Variants in PADI3 observed in about 807,000 individuals in gnomAD.
PADI3 encodes peptidyl arginine deiminase 3.
A neutral mutation model predicts 71.5 loss-of-function variants in PADI3; 53 were observed. That is an observed-to-expected ratio of 0.74 (90% CI 0.59 to 0.93). The LOEUF (loss-of-function observed/expected upper bound fraction) is 0.93, where lower values mean the gene tolerates loss of function less well. Among genes scored for constraint, PADI3 ranks in the 40% least tolerant of loss-of-function variants. The pLI, the probability that PADI3 is intolerant of heterozygous loss-of-function variation, is 0.00. For missense variants in PADI3, 821 were observed against 868.0 expected (o/e 0.95, Z 0.68); for synonymous variants, 361 against 347.5 (o/e 1.04, Z -0.43).
At chr1:17,256,026 T>C (rs765217604) in intron 1 of PADI3, among the ~76,000 whole-genome samples, 2 of 152,060 alleles carry the variant, frequency 1.3e-5, no homozygotes, top group Non-Finnish European at 2.9e-5. Flanking sequence ...ACAAGCTCAT[T>C]ATAGCCTGAG....
chr1:17,282,194 A>C (rs1569927147), intron 15 of PADI3, among the ~76,000 whole-genome samples: 1 of 152,218 alleles, frequency 6.6e-6, no homozygotes, highest in East Asian at 1.9e-4. Context: ...CGCAAGAGAC[A>C]GAGTCCTACT....
At chr1:17,280,192 G>A (rs2073383674) in intron 13 of PADI3, among the ~76,000 whole-genome samples, 158 bp from the exon 14 acceptor site, 1 of 152,218 alleles carries the variant, frequency 6.6e-6, no homozygotes, top group Admixed American at 6.5e-5. Context: ...GGCAAGCTCA[G>A]ACAGGTGGAA....
Position 17,262,222 on chromosome 1 carries a change from G to A in PADI3, c.346+17G>A. 6.3e-7 allele frequency: 1 copy of A among 1,589,124 alleles called. No individual in the cohort carries two copies. Among genetic ancestry groups the A allele is most frequent in the Non-Finnish European group, 8.6e-7 (1 of 1,167,214 alleles). ...CCTGTGTTGGTAAGTTGGGGGCCATGTTGATGGTGTGGCCAAGGGCACATT... is the reference window on the plus strand; with the variant it reads ...CCTGTGTTGGTAAGTTGGGGGCCATATTGATGGTGTGGCCAAGGGCACATT... On this transcript the variant is annotated intron_variant, in intron 3 of 15. Transcript: ENST00000375460.
chr1:17,257,821 C>T (rs2073046956), intron 1 of PADI3, among the ~76,000 whole-genome samples: 1 of 152,032 alleles, frequency 6.6e-6, no homozygotes, highest in Non-Finnish European at 1.5e-5. Context: ...GCCTCAGTTT[C>T]CCCATGTGTA....
chr1:17,249,264 T>C (rs2072935936), intron 1 of PADI3, 35 bp downstream of exon 1: 3 of 1,524,388 alleles, frequency 2.0e-6, no homozygotes, highest in Admixed American at 1.7e-5. Context: ...TGCAGGCCCT[T>C]GGTGCTGATG....
At chr1:17,259,523 A>C in intron 1 of PADI3, 55 bp from the exon 2 acceptor site, 1 of 1,493,086 alleles carries the variant, frequency 6.7e-7, no homozygotes, top group Non-Finnish European at 9.0e-7. Flanking sequence ...AAGCTCAAAC[A>C]TCTGAGCAAA....
intron 13 of PADI3, chr1:17,277,843 C>T (rs899130949): frequency 6.5e-6 from 1 of 154,550 alleles, no homozygotes; most frequent in African/African-American, 2.4e-5. Context: ...CCCAGGCTTG[C>T]TCAGGTACCC....
chr1:17,276,579 G>C lies in PADI3; in HGVS notation c.1368G>C (p.Gln456His). 1 of 1,614,166 alleles carries C rather than the reference G, an allele frequency of 6.2e-7. No homozygotes were observed. Among genetic ancestry groups the C allele is most frequent in the Non-Finnish European group, 8.5e-7 (1 of 1,180,036 alleles). The stretch of plus-strand genomic sequence containing the variant: ...ACTTCCTCCATGCCCAGAAGGTGCA[G>C]CCCCCCGTGGAGCTCTTTGTGGACT... ...VRDFLHAQKV[Q>H]PPVELFVDWL... The change falls in exon 12 of 16, where the codon CAG (glutamine) becomes CAC (histidine). Residue 456 changes from glutamine (Q) to histidine (H), a missense_variant. Physicochemically the swap from Gln to His is conservative, Grantham distance 24. Coordinates refer to ENST00000375460, the MANE Select transcript of PADI3 (RefSeq NM_016233.2).
At chr1:17,279,418 G>A (rs1156473830) in intron 13 of PADI3, among the ~76,000 whole-genome samples, 1 of 152,166 alleles carries the variant, frequency 6.6e-6, no homozygotes, top group Non-Finnish European at 1.5e-5. Context: ...CTGGCCCAGA[G>A]GCCTCAGCAA....
In PADI3 at chr1:17,262,351, C is replaced by T. The variant is rs150728204; in HGVS notation, c.346+146C>T. The T allele has an allele frequency of 1.8e-3, 1,083 of 606,798 alleles. 10 individuals are homozygous for T. Among genetic ancestry groups the T allele is most frequent in the African/African-American group, 0.017 (907 of 52,398 alleles). The allele number at this position is 606,798 out of a possible 1,614,324, so 37.6% of individuals were successfully genotyped here. On this transcript the variant is annotated intron_variant, in intron 3 of 15. Coordinates refer to ENST00000375460, the MANE Select transcript of PADI3 (RefSeq NM_016233.2). The stretch of plus-strand genomic sequence containing the variant: ...CAAACCCAGCATTTTTCTAGAGATA[C>T]GCTGTGCTTATATATGAAAGCACAT...
At chr1:17,270,149 G>A in intron 6 of PADI3, 84 bp from the exon 7 acceptor site, 1 of 1,476,462 alleles carries the variant, frequency 6.8e-7, no homozygotes. Context: ...TTTTGGTGAG[G>A]CTGCAGACCT....
chr1:17,261,348 C>A (rs867776522), intron 2 of PADI3, among the ~76,000 whole-genome samples: 4 of 152,222 alleles, frequency 2.6e-5, no homozygotes, highest in African/African-American at 9.7e-5. Flanking sequence ...TACATGACTC[C>A]TTTCATCTTC....
At chr1:17,257,031 CAAAAAAAAAAAAAA>C (rs967292996) in intron 1 of PADI3, among the ~76,000 whole-genome samples, 2 of 37,606 alleles carry the variant, frequency 5.3e-5, no homozygotes, top group African/African-American at 1.8e-4. Flanking sequence ...GACTCTGTCT[CAAAAAAAAAAAAAA>C]AAAAAAAAAA....
At position 17,280,335 on chromosome 1, in the gene PADI3, C is replaced by A. The variant is rs772384072; in HGVS notation, c.1556-15C>A. 9 of 1,608,284 alleles carry A rather than the reference C, an allele frequency of 5.6e-6. No homozygotes were observed. The South Asian group carries it at 9.9e-5, about 18-fold the overall frequency. On this transcript the variant is annotated splice_polypyrimidine_tract_variant and intron_variant, in intron 13 of 15. Coordinates refer to ENST00000375460, the MANE Select transcript of PADI3 (RefSeq NM_016233.2). ...TGCTGTCCCTGTCCTTCTCTTTCAT[C>A]TCTCTCCTTCACAGATGATGAGCAG...
intron 6 of PADI3, among the ~76,000 whole-genome samples, chr1:17,268,212 C>G (rs1355183745): frequency 2.6e-5 from 4 of 152,196 alleles, no homozygotes; most frequent in African/African-American, 9.7e-5. Context: ...ACATTTTAAG[C>G]ATGTGTAGAA....
intron 9 of PADI3, 34 bp downstream of exon 9, chr1:17,271,212 A>T (rs1257463158): frequency 1.3e-6 from 2 of 1,578,534 alleles, no homozygotes; most frequent in Admixed American, 3.4e-5. Context: ...CCCAGCAAGG[A>T]CGCCATCCTG....
chr1:17,274,747 ACC>A lies in PADI3; in HGVS notation c.1272_1273del (p.Leu425GlyfsTer48). On this transcript the variant is annotated frameshift_variant, in exon 11 of 16. Transcript: ENST00000375460. LOFTEE classifies it high-confidence loss of function. ...CCAGTGGTGGCCAATGGGAAAGAGT[ACC>A]CCCTGGGGAGGATCCTCATTGGGGG... 6.2e-7 allele frequency: 1 copy of A among 1,613,326 alleles called. No homozygotes were observed. Among genetic ancestry groups the A allele is most frequent in the East Asian group, 2.2e-5 (1 of 44,798 alleles).
intron 1 of PADI3, among the ~76,000 whole-genome samples, chr1:17,257,997 G>A (rs972589434): frequency 6.6e-6 from 1 of 152,214 alleles, no homozygotes; most frequent in South Asian, 2.1e-4. Flanking sequence ...GCAAGAGTGT[G>A]GACTGAGGAG....
intron 2 of PADI3, among the ~76,000 whole-genome samples, chr1:17,261,563 A>T (rs1407143319): frequency 6.6e-6 from 1 of 152,234 alleles, no homozygotes. Context: ...CACTGATAAC[A>T]GTAGCTAGTA....
Sources: gnomAD v4.1 joint callset for allele counts (sites outside exome capture counted in the v4.1 genomes callset) on GRCh38, gnomAD v4.1.1 for gene constraint, MANE v1.5 for transcripts, NCBI Gene and HGNC (gene_info 2026-07-23, HGNC 2026-07-21) for gene names.